Variants in LRP1B observed in about 807,000 individuals in gnomAD.
LRP1B encodes the protein LDL receptor related protein 1B, also known as low-density lipoprotein receptor-related protein 1B.
Under a neutral mutation model 556.6 loss-of-function variants are expected in LRP1B, and 217 were observed. That is an observed-to-expected ratio of 0.39 (90% confidence interval 0.35 to 0.44). LRP1B has a LOEUF of 0.44. LRP1B is among the 20% of genes least tolerant of loss of function. The probability of loss-of-function intolerance (pLI) is 1.00; values close to 1 mark genes in which losing one functional copy is unlikely to be tolerated. For synonymous variants in LRP1B, 2,047 were observed against 1,865.8 expected, an observed-to-expected ratio of 1.10 and a Z score of -2.50; for missense variants, 5,053 against 5,620.8, an observed-to-expected ratio of 0.90 and a Z score of 3.23.
At chr2:142,051,189 C>T (rs889831440) in intron 1 of LRP1B, among the ~76,000 whole-genome samples, 2 of 151,748 alleles carry the variant, frequency 1.3e-5, no homozygotes, top group African/African-American at 4.8e-5. Flanking sequence ...CTAACAGGCA[C>T]ATTGTTGGTG....
At chr2:140,908,386 AT>A (rs1559187987) in intron 21 of LRP1B, among the ~76,000 whole-genome samples, 16 of 146,654 alleles carry the variant, frequency 1.1e-4, no homozygotes, top group African/African-American at 3.5e-4. Context: ...ATATATATAT[AT>A]ATATAAAAAG....
At chr2:141,166,261 C>A (rs1349949384) in intron 7 of LRP1B, among the ~76,000 whole-genome samples, 1 of 151,844 alleles carries the variant, frequency 6.6e-6, no homozygotes, top group Non-Finnish European at 1.5e-5. Context: ...CTGCTCTCTA[C>A]GTTCTCACTT....
intron 10 of LRP1B, among the ~76,000 whole-genome samples, chr2:141,052,310 A>G (rs1333485925): frequency 6.6e-6 from 1 of 152,008 alleles, no homozygotes; most frequent in Admixed American, 6.6e-5. Context: ...AGTATTTTCT[A>G]TCAACATTAG....
At chr2:140,414,828 G>C (rs941745784) in intron 66 of LRP1B, among the ~76,000 whole-genome samples, 1 of 152,154 alleles carries the variant, frequency 6.6e-6, no homozygotes, top group Non-Finnish European at 1.5e-5. Flanking sequence ...GCGATCTTTA[G>C]GGAACGAGGG....
chr2:141,685,848 T>C (rs1465741707), intron 2 of LRP1B, among the ~76,000 whole-genome samples: 1 of 152,080 alleles, frequency 6.6e-6, no homozygotes, highest in African/African-American at 2.4e-5. Context: ...ATATCTTCTT[T>C]CTTGGTCCAT....
At chr2:141,001,637 C>T (rs191815794) in intron 15 of LRP1B, among the ~76,000 whole-genome samples, 11 of 152,144 alleles carry the variant, frequency 7.2e-5, no homozygotes, top group Admixed American at 3.3e-4. Flanking sequence ...ATCCTTTGCT[C>T]CTGCGGCACA....
At chr2:141,299,198 G>A (rs1686298618) in intron 3 of LRP1B, among the ~76,000 whole-genome samples, 2 of 152,070 alleles carry the variant, frequency 1.3e-5, no homozygotes, top group African/African-American at 2.4e-5. Flanking sequence ...GTAATGAGCC[G>A]AGCAGATAGT....
chr2:141,668,830 C>T (rs186775064), intron 2 of LRP1B, among the ~76,000 whole-genome samples: 1 of 152,242 alleles, frequency 6.6e-6, no homozygotes, highest in South Asian at 2.1e-4. Flanking sequence ...GAGTTGCAGG[C>T]ATCCACCTGT....
chr2:141,542,296 T>A (rs2105211695), intron 2 of LRP1B, among the ~76,000 whole-genome samples: 1 of 152,062 alleles, frequency 6.6e-6, no homozygotes, highest in East Asian at 1.9e-4. Context: ...CTAAAAGAAT[T>A]AGGGCAGATT....
chr2:140,693,767 G>T (rs1402183898), intron 41 of LRP1B, among the ~76,000 whole-genome samples: 1 of 152,098 alleles, frequency 6.6e-6, no homozygotes, highest in East Asian at 1.9e-4. Context: ...GAGTATGGTG[G>T]TGCAATCTTG....
chr2:141,574,590 T>C (rs1353756469), intron 2 of LRP1B, among the ~76,000 whole-genome samples: 2 of 152,124 alleles, frequency 1.3e-5, no homozygotes, highest in African/African-American at 4.8e-5. Flanking sequence ...AACATAGTAT[T>C]GGAAATTCTG....
At chr2:141,862,710 A>G (rs72994944) in intron 1 of LRP1B, among the ~76,000 whole-genome samples, 2 of 152,196 alleles carry the variant, frequency 1.3e-5, no homozygotes, top group Non-Finnish European at 2.9e-5. Context: ...CCCAGCATGG[A>G]CAGGTGTAAG....
At chr2:141,297,132 G>A (rs1293208350) in intron 3 of LRP1B, among the ~76,000 whole-genome samples, 1 of 152,122 alleles carries the variant, frequency 6.6e-6, no homozygotes, top group Non-Finnish European at 1.5e-5. Context: ...TTGATTCCAT[G>A]TATTTGCTAT....
intron 2 of LRP1B, among the ~76,000 whole-genome samples, chr2:141,800,647 C>T (rs1262330311): frequency 6.6e-6 from 1 of 152,114 alleles, no homozygotes; most frequent in Non-Finnish European, 1.5e-5. Context: ...CAGTATCTGG[C>T]ACATATGAAT....
At chr2:140,321,102 G>A (rs1441996137) in intron 82 of LRP1B, among the ~76,000 whole-genome samples, 1 of 152,042 alleles carries the variant, frequency 6.6e-6, no homozygotes, top group Non-Finnish European at 1.5e-5. Context: ...AGTATTATGT[G>A]TGGATTTTCT....
intron 2 of LRP1B, among the ~76,000 whole-genome samples, chr2:141,780,247 T>C (rs1446947262): frequency 6.6e-6 from 1 of 151,996 alleles, no homozygotes; most frequent in Non-Finnish European, 1.5e-5. Flanking sequence ...ACAATGGGGA[T>C]AGGGAATCAC....
At chr2:141,206,723 T>C (rs1278146526) in intron 6 of LRP1B, among the ~76,000 whole-genome samples, 1 of 152,158 alleles carries the variant, frequency 6.6e-6, no homozygotes, top group Non-Finnish European at 1.5e-5. Context: ...TAAAACTATC[T>C]TTTCCACACA....
intron 3 of LRP1B, among the ~76,000 whole-genome samples, chr2:141,312,529 T>G (rs1686851253): frequency 6.6e-6 from 1 of 152,088 alleles, no homozygotes; most frequent in South Asian, 2.1e-4. Flanking sequence ...TTTTTTACTG[T>G]GTGGAGATGG....
intron 11 of LRP1B, among the ~76,000 whole-genome samples, chr2:141,033,139 C>T (rs1698428270): frequency 6.6e-6 from 1 of 151,728 alleles, no homozygotes; most frequent in South Asian, 2.1e-4. Flanking sequence ...GGTAAAGGCC[C>T]TGAGGTGGCA....
Sources: allele counts gnomAD v4.1 joint callset (sites outside exome capture counted in the v4.1 genomes callset), GRCh38; gene constraint gnomAD v4.1.1; transcripts MANE v1.5; gene names NCBI Gene and HGNC (gene_info 2026-07-23, HGNC 2026-07-21).